The following PLEKHS1 variants were observed in gnomAD, a reference collection of about 807,000 sequenced individuals.
The protein encoded by PLEKHS1 is pleckstrin homology domain containing S1, also known as pleckstrin homology domain-containing family S member 1.
Under a neutral mutation model 51.0 loss-of-function variants are expected in PLEKHS1, and 55 were observed. That is an observed-to-expected ratio of 1.08 (90% CI 0.87 to 1.35). The LOEUF (loss-of-function observed/expected upper bound fraction) is 1.35. Ranked by LOEUF, PLEKHS1 falls within the 40% of genes most tolerant of loss-of-function variation. The pLI is 0.00. For missense variants in PLEKHS1, 398 were observed against 423.0 expected, an observed-to-expected ratio of 0.94 and a Z score of 0.52; for synonymous variants, 153 against 144.8, an observed-to-expected ratio of 1.06 and a Z score of -0.41.
intron 2 of PLEKHS1, among the ~76,000 whole-genome samples, chr10:113,763,523 C>T (rs1003336833): frequency 6.6e-6 from 1 of 151,930 alleles, no homozygotes; most frequent in Non-Finnish European, 1.5e-5. Flanking sequence ...TCTCCCTTTC[C>T]CCCTTTTCTG....
chr10:113,777,315 T>C, intron 11 of PLEKHS1, 56 bp downstream of exon 12: 2 of 1,608,480 alleles, frequency 1.2e-6, no homozygotes, highest in Non-Finnish European at 1.7e-6. Flanking sequence ...AGGAAAAAGA[T>C]CAGGGTCTTA....
intron 11 of PLEKHS1, 92 bp downstream of exon 12, chr10:113,777,351 T>C: frequency 6.2e-7 from 1 of 1,607,972 alleles, no homozygotes; most frequent in Non-Finnish European, 8.5e-7. Context: ...GTACCCTGAA[T>C]ACAAATAAGG....
At chr10:113,753,523 C>T (rs1853950063) in intron 1 of PLEKHS1, among the ~76,000 whole-genome samples, 1 of 152,160 alleles carries the variant, frequency 6.6e-6, no homozygotes, top group Non-Finnish European at 1.5e-5. Flanking sequence ...AGTGTGCCCG[C>T]TACAGCAGGC....
At chr10:113,775,833 A>C in exon 11 of PLEKHS1, 1 of 1,613,056 alleles carries the variant, frequency 6.2e-7, no homozygotes, top group Non-Finnish European at 8.5e-7. Flanking sequence ...GTCATCAACT[A>C]TCTTGCTCTC....
chr10:113,765,170 G>A (rs148356160), intron 2 of PLEKHS1: 1 of 450,630 alleles, frequency 2.2e-6, no homozygotes, highest in East Asian at 3.2e-5. Context: ...GAATATCTTT[G>A]TATTCCTATG....
At chr10:113,756,049 G>A (rs1854092066) in intron 2 of PLEKHS1, among the ~76,000 whole-genome samples, 4 of 152,130 alleles carry the variant, frequency 2.6e-5, no homozygotes, top group Admixed American at 2.6e-4. Flanking sequence ...GTAGATGAGT[G>A]GATAGAAAAG....
exon 8 of PLEKHS1, chr10:113,772,072 C>A (rs759626449): frequency 2.5e-6 from 4 of 1,612,584 alleles, no homozygotes; most frequent in Admixed American, 1.7e-5. Flanking sequence ...TCTTACTCCT[C>A]GAAGTGTTCT....
At chr10:113,756,873 G>A (rs1564815667) in intron 2 of PLEKHS1, among the ~76,000 whole-genome samples, 1 of 151,382 alleles carries the variant, frequency 6.6e-6, no homozygotes, top group African/African-American at 2.4e-5. Context: ...AGCATTTTGA[G>A]CATGGAAGTG....
chr10:113,779,191 G>A (rs1479720339), intron 11 of PLEKHS1, among the ~76,000 whole-genome samples: 1 of 152,150 alleles, frequency 6.6e-6, no homozygotes, highest in Non-Finnish European at 1.5e-5. Flanking sequence ...TTTGAAGACT[G>A]GATAGGAGAC....
chr10:113,777,911 G>A (rs1844746547), intron 11 of PLEKHS1: 1 of 601,678 alleles, frequency 1.7e-6, no homozygotes, highest in Non-Finnish European at 2.6e-6. Context: ...AATCAATTGA[G>A]CCCAGGAATT....
intron 1 of PLEKHS1, among the ~76,000 whole-genome samples, chr10:113,754,298 G>A (rs1034456288): frequency 1.3e-5 from 2 of 152,096 alleles, no homozygotes; most frequent in Non-Finnish European, 2.9e-5. Flanking sequence ...CCTTTTCAGG[G>A]CCTTCTATTT....
exon 12 of PLEKHS1, chr10:113,781,000 C>T (rs1844850165): frequency 1.8e-6 from 1 of 555,354 alleles, no homozygotes; most frequent in African/African-American, 1.9e-5. Flanking sequence ...ATTGGAAGGC[C>T]TTATTATCTC....
At position 113,775,885 on chromosome 10, in the gene PLEKHS1, T is replaced by G; in HGVS notation, c.1091+19T>G. 1.3e-6 allele frequency: 2 copies of G among 1,546,202 alleles called. No individual in the cohort carries two copies. The highest frequency in any genetic ancestry group is 1.8e-6 in the Non-Finnish European group (2 of 1,125,908). ...GGATATGGTAGGTTGGAGATTTGAC[T>G]GTTGTGGATTATAAATGGGGCTGGA... On this transcript the variant is annotated intron_variant, in intron 11 of 11. Transcript: ENST00000361048.
intron 2 of PLEKHS1, chr10:113,765,179 T>A (rs1443634261): frequency 8.6e-6 from 4 of 465,376 alleles, no homozygotes; most frequent in African/African-American, 2.0e-5. Context: ...TGTATTCCTA[T>A]GAATCTTGAG....
intron 9 of PLEKHS1, 56 bp from the exon 10 acceptor site, chr10:113,774,770 G>T: frequency 6.7e-7 from 1 of 1,502,420 alleles, no homozygotes; most frequent in South Asian, 1.1e-5. Flanking sequence ...ACACACAGGG[G>T]AACACTGTAA....
Position 113,770,884 on chromosome 10 carries a change from T to G in PLEKHS1, c.552+984T>G, listed in dbSNP as rs74478400. 7.0e-3 allele frequency among the ~76,000 whole-genome samples: 1,068 copies of G among 152,354 alleles called. 21 individuals carry two copies. Among genetic ancestry groups the G allele is most frequent in the African/African-American group, 0.022 (923 of 41,574 alleles). ...GAGTTAACAGTACTGTTTGCCTTGC[T>G]GGGTGGTGTTGTTGTTGGTTAAATT... is the stretch of plus-strand genomic sequence containing the variant. On this transcript the variant is annotated intron_variant, in intron 7 of 11. Coordinates refer to ENST00000361048, the Ensembl canonical transcript of PLEKHS1.
chr10:113,774,853 T>C, exon 10 of PLEKHS1: 2 of 1,614,060 alleles, frequency 1.2e-6, no homozygotes, highest in Non-Finnish European at 8.5e-7. Flanking sequence ...CCCATGAGTC[T>C]GTGGATAGCA....
intron 8 of PLEKHS1, among the ~76,000 whole-genome samples, chr10:113,772,614 T>C (rs1844464083): frequency 6.6e-6 from 1 of 152,156 alleles, no homozygotes; most frequent in East Asian, 1.9e-4. Context: ...CACCCTGCTG[T>C]CAGAGTGCAT....
Position 113,762,438 on chromosome 10 carries a change from G to A in PLEKHS1, c.29-3973G>A, listed in dbSNP as rs560095833. 4.5e-5 allele frequency among the ~76,000 whole-genome samples: 6 copies of A among 132,146 alleles called. No homozygotes were observed. The South Asian group carries it at 1.3e-3, about 28-fold the overall frequency. The allele number at this position is 132,146 out of a possible 152,430, so 86.7% of individuals were successfully genotyped here. On this transcript the variant is annotated intron_variant, in intron 2 of 11. Coordinates refer to ENST00000361048, the Ensembl canonical transcript of PLEKHS1. ...GTGGAAGCTGAGGTAATTAATTTGA[G>A]ACTTTTGTTCTTTTCAAACATGGCC...
Sources: allele counts gnomAD v4.1 joint callset (sites outside exome capture counted in the v4.1 genomes callset), GRCh38; gene constraint gnomAD v4.1.1; transcripts MANE v1.5; gene names NCBI Gene and HGNC (gene_info 2026-07-23, HGNC 2026-07-21).